Variants in DPYD observed in about 807,000 individuals in gnomAD.
DPYD encodes the protein dihydropyrimidine dehydrogenase.
In DPYD, 109 loss-of-function variants were observed where a neutral mutation model predicts 116.2. The ratio of observed to expected loss-of-function variants is 0.94; its 90% CI spans 0.80 to 1.10. The LOEUF is 1.10. Among genes scored for constraint, DPYD ranks in the 50% least tolerant of loss-of-function variants. The probability of loss-of-function intolerance (pLI) is 0.00; values close to 1 mark genes in which losing one functional copy is unlikely to be tolerated. For missense variants in DPYD, 1,302 were observed against 1,254.5 expected (o/e 1.04, Z -0.57); for synonymous variants, 440 against 432.0 (o/e 1.02, Z -0.23).
chr1:97,577,804 CTT>C (rs1232463324), intron 10 of DPYD, among the ~76,000 whole-genome samples: 1 of 151,726 alleles, frequency 6.6e-6, no homozygotes, highest in Non-Finnish European at 1.5e-5. Context: ...TAAGTATTGT[CTT>C]ATTATTTTTG....
chr1:97,297,779 T>C (rs1395103768), intron 18 of DPYD, among the ~76,000 whole-genome samples: 1 of 152,224 alleles, frequency 6.6e-6, no homozygotes, highest in Non-Finnish European at 1.5e-5. Flanking sequence ...TTTCTCAATA[T>C]GCTAGTGTCT....
chr1:97,527,019 G>A (rs1210921046), intron 12 of DPYD, among the ~76,000 whole-genome samples: 1 of 151,962 alleles, frequency 6.6e-6, no homozygotes, highest in Non-Finnish European at 1.5e-5. Context: ...AAGTGGTAGA[G>A]CAAGACCTGA....
intron 10 of DPYD, among the ~76,000 whole-genome samples, chr1:97,577,186 A>G (rs1424923341): frequency 6.6e-6 from 1 of 152,190 alleles, no homozygotes; most frequent in East Asian, 1.9e-4. Flanking sequence ...AGAAAGATTC[A>G]GTCACCCTTG....
chr1:97,615,580 T>G (rs2100757717), intron 8 of DPYD, among the ~76,000 whole-genome samples: 1 of 152,258 alleles, frequency 6.6e-6, no homozygotes, highest in Non-Finnish European at 1.5e-5. Flanking sequence ...CAAATTAATC[T>G]CCTCAGTCTC....
chr1:97,846,098 G>T, intron 2 of DPYD, among the ~76,000 whole-genome samples: 1 of 152,318 alleles, frequency 6.6e-6, no homozygotes, highest in Middle Eastern at 3.4e-3. Flanking sequence ...CTGCTGGGCC[G>T]AGTGGGCAGA....
chr1:97,796,128 A>G (rs1048076471), intron 3 of DPYD, among the ~76,000 whole-genome samples: 1 of 152,104 alleles, frequency 6.6e-6, no homozygotes, highest in Non-Finnish European at 1.5e-5. Context: ...CATTTATATG[A>G]CAATGATCAT....
At chr1:97,233,627 A>G (rs895872558) in intron 19 of DPYD, among the ~76,000 whole-genome samples, 11 of 152,098 alleles carry the variant, frequency 7.2e-5, no homozygotes, top group African/African-American at 2.7e-4. Flanking sequence ...TTCTTTGGCT[A>G]GAGAGAGCAG....
rs546825837 is a variant in DPYD, at chr1:97,154,635, T to G, written c.2622+38434A>C. Among the ~76,000 whole-genome samples the G allele has an allele frequency of 4.0e-5, 6 of 150,850 alleles. No homozygotes were observed. The South Asian group carries it at 1.3e-3, about 32-fold the overall frequency. ...AGCGCACTCCTGTAGTCCCAGCTAC[T>G]GAGGGGTTGATGTTGCAGTCAGCAA... On this transcript the variant is annotated intron_variant, in intron 20 of 22. Coordinates refer to ENST00000370192, the MANE Select transcript of DPYD (RefSeq NM_000110.4).
At chr1:97,659,909 C>T (rs1659156105) in intron 8 of DPYD, among the ~76,000 whole-genome samples, 1 of 151,998 alleles carries the variant, frequency 6.6e-6, no homozygotes, top group South Asian at 2.1e-4. Flanking sequence ...GAAATAAACC[C>T]AGTGCACATA....
intron 1 of DPYD, among the ~76,000 whole-genome samples, chr1:97,898,456 G>A (rs1490843585): frequency 6.6e-6 from 1 of 151,868 alleles, no homozygotes; most frequent in Non-Finnish European, 1.5e-5. Flanking sequence ...ACTCTCTCAA[G>A]AGGATAAACT....
At chr1:97,096,548 G>A (rs1337362797) in intron 21 of DPYD, among the ~76,000 whole-genome samples, 1 of 152,112 alleles carries the variant, frequency 6.6e-6, no homozygotes, top group Admixed American at 6.6e-5. Flanking sequence ...CTTACAAGAG[G>A]ATTGTAAAAT....
intron 2 of DPYD, among the ~76,000 whole-genome samples, chr1:97,846,317 T>TA (rs1409801997): frequency 4.6e-5 from 7 of 151,974 alleles, no homozygotes; most frequent in African/African-American, 1.2e-4. Context: ...TTCCTTTATT[T>TA]AAAAAAAACT....
At chr1:97,521,201 T>C (rs1335568034) in intron 12 of DPYD, among the ~76,000 whole-genome samples, 1 of 152,096 alleles carries the variant, frequency 6.6e-6, no homozygotes, top group Non-Finnish European at 1.5e-5. Flanking sequence ...CATTGTGGTT[T>C]TGATTTGCAT....
chr1:97,160,405 CT>C (rs1655802945), intron 20 of DPYD, among the ~76,000 whole-genome samples: 1 of 151,920 alleles, frequency 6.6e-6, no homozygotes, highest in Non-Finnish European at 1.5e-5. Flanking sequence ...AACACTGTAT[CT>C]TTTCTGTAGT....
intron 3 of DPYD, among the ~76,000 whole-genome samples, chr1:97,744,256 A>G (rs973855013): frequency 2.6e-5 from 4 of 152,074 alleles, no homozygotes; most frequent in Non-Finnish European, 2.9e-5. Context: ...GTTTGACTCC[A>G]TAGTATGACA....
At chr1:97,102,396 C>CATATATATATATATATATAT (rs372249411) in intron 20 of DPYD, among the ~76,000 whole-genome samples, 2,122 of 96,844 alleles carry the variant, frequency 0.022, 95 homozygotes, top group East Asian at 0.038. Flanking sequence ...CACTCAGTAT[C>CATATATATATATATATATAT]ATATATATAT....
At chr1:97,631,262 G>C (rs1385657838) in intron 8 of DPYD, among the ~76,000 whole-genome samples, 1 of 152,198 alleles carries the variant, frequency 6.6e-6, no homozygotes, top group East Asian at 1.9e-4. Flanking sequence ...AAAGGGTACA[G>C]ACTCTCTCTG....
intron 14 of DPYD, among the ~76,000 whole-genome samples, chr1:97,422,494 G>A (rs1329180333): frequency 2.6e-5 from 4 of 152,124 alleles, no homozygotes; most frequent in Admixed American, 2.6e-4. Context: ...CCAAACAAAG[G>A]AGAGGTAAAG....
At chr1:97,838,572 G>A (rs1313198286) in intron 2 of DPYD, among the ~76,000 whole-genome samples, 5 of 152,178 alleles carry the variant, frequency 3.3e-5, no homozygotes, top group Admixed American at 1.3e-4. Flanking sequence ...TTGGCCGGGC[G>A]CGGTGGCTCA....
Sources: gnomAD v4.1 joint callset for allele counts (sites outside exome capture counted in the v4.1 genomes callset) on GRCh38, gnomAD v4.1.1 for gene constraint, MANE v1.5 for transcripts, NCBI Gene and HGNC (gene_info 2026-07-23, HGNC 2026-07-21) for gene names.